The following BCL2L12 variants were observed in gnomAD, a reference collection of about 807,000 sequenced individuals.
BCL2L12 encodes the protein BCL2 like 12.
In BCL2L12, 27 loss-of-function variants were observed where a neutral mutation model predicts 25.7. The ratio of observed to expected loss-of-function variants is 1.05; its 90% CI spans 0.78 to 1.45. The LOEUF (loss-of-function observed/expected upper bound fraction) is 1.45. Among genes scored for constraint, BCL2L12 ranks in the 40% most tolerant of loss-of-function variants. BCL2L12 has a pLI of 0.00. For synonymous variants in BCL2L12, 132 were observed against 145.6 expected (o/e 0.91, Z 0.67); for missense variants, 302 against 329.8 (o/e 0.92, Z 0.65).
intron 1 of BCL2L12, 102 bp downstream of exon 1, chr19:49,666,169 C>CCGCTTCTCTGAT: frequency 7.1e-7 from 1 of 1,404,072 alleles, no homozygotes; most frequent in Admixed American, 2.6e-5. Flanking sequence ...TCCAAGGGTC[C>CCGCTTCTCTGAT]AGGGTCCTCT....
chr19:49,670,415 G>A lies in BCL2L12; in HGVS notation c.629G>A (p.Gly210Glu). The A allele has an allele frequency of 1.9e-6, 3 of 1,543,276 alleles. No individual in the cohort carries two copies. The highest frequency in any genetic ancestry group is 2.4e-5 in the East Asian group (1 of 41,052). Reference sequence around the variant, plus strand: ...CTGAGCCGGCGCGTGGCCGGGCTGGGGGGCACCCTGGCCGGACTCAGCGTG... The same window carrying A: ...CTGAGCCGGCGCGTGGCCGGGCTGGAGGGCACCCTGGCCGGACTCAGCGTG... ...MELSRRVAGL[G>E]GTLAGLSVEH... The change falls in exon 6 of 7, where the codon GGG becomes GAG. Residue 210 changes from glycine (G) to glutamate (E), a missense_variant. Transcript: ENST00000246784.
chr19:49,665,639 G>A (rs571354251), upstream of BCL2L12: 446 of 717,592 alleles, frequency 6.2e-4, 9 homozygotes, highest in South Asian at 8.4e-3. Context: ...ACCTACGATG[G>A]AAGGTCGGGG....
chr19:49,667,266 G>T, intron 3 of BCL2L12, 105 bp downstream of exon 3: 1 of 1,492,414 alleles, frequency 6.7e-7, no homozygotes, highest in Non-Finnish European at 9.1e-7. Flanking sequence ...TCTAGCACCA[G>T]CCTTCAGGAC....
rs763439854 is a variant in BCL2L12 at position 49,673,712 on chromosome 19, T to A, written c.717T>A (p.Ala239=). The stretch of plus-strand genomic sequence containing the variant: ...TTCCCTTCCAGGAGGGCATCCTGGC[T>A]GTTTCACCCGTGGACTTGAACTTGC... The part of the protein sequence containing the change: ...QAHGGWEGIL[A]VSPVDLNLPL... Residue 239 remains alanine (A), a synonymous_variant, in exon 7 of 7, where the codon GCT becomes GCA. Transcript: ENST00000246784. 1 of 1,614,138 alleles carries A rather than the reference T, an allele frequency of 6.2e-7. No individual in the cohort carries two copies. The highest frequency in any genetic ancestry group is 8.5e-7 in the Non-Finnish European group (1 of 1,179,988).
At chr19:49,666,825 A>G (rs1365175840) in intron 2 of BCL2L12, 26 bp downstream of exon 2, 2 of 1,546,274 alleles carry the variant, frequency 1.3e-6, no homozygotes. Context: ...CTTCTCCCCC[A>G]GGGGCCAGCA....
Position 49,672,596 on chromosome 19 carries a change from G to A in BCL2L12, c.703-1102G>A, listed in dbSNP as rs138104316. Among the ~76,000 whole-genome samples the A allele has an allele frequency of 1.7e-3, 266 of 152,306 alleles. No homozygotes were observed. The highest frequency in any genetic ancestry group is 5.5e-3 in the African/African-American group (229 of 41,546). On this transcript the variant is annotated intron_variant, in intron 6 of 6. Transcript: ENST00000246784. The surrounding 1 kb of genome is among the most constrained non-coding windows in gnomAD (Gnocchi z 4.1). ...GAGGTGAGTGGATCTCACCCAAGTC[G>A]GGGGCGGTGGAGAATGCTGGATTTA...
intron 3 of BCL2L12, 106 bp downstream of exon 3, chr19:49,667,267 C>A (rs2081825280): frequency 6.7e-7 from 1 of 1,481,818 alleles, no homozygotes; most frequent in Non-Finnish European, 9.2e-7. Flanking sequence ...CTAGCACCAG[C>A]CTTCAGGACA....
Position 49,668,845 on chromosome 19 carries a change from CCCCAGG to C in BCL2L12, c.251_256del (p.Gly84_Pro85del). ...GGAAACCTGTCATTAACTCTTTTCA[CCCCAGG>C]CCCAGCTACTCCAGACTTCTATGCT... On this transcript the variant is annotated splice_acceptor_variant and splice_polypyrimidine_tract_variant and coding_sequence_variant and intron_variant, in exon 4 of 7. Coordinates refer to ENST00000246784, the MANE Select transcript of BCL2L12 (RefSeq NM_138639.2). LOFTEE classifies it high-confidence loss of function. 20 of 1,611,650 alleles carry C rather than the reference CCCCAGG, an allele frequency of 1.2e-5. No individual in the cohort carries two copies. Among genetic ancestry groups the C allele is most frequent in the Non-Finnish European group, 1.6e-5 (19 of 1,179,414 alleles).
At chr19:49,668,617 C>T (rs2081879451) in intron 3 of BCL2L12, among the ~76,000 whole-genome samples, 1 of 151,956 alleles carries the variant, frequency 6.6e-6, no homozygotes, top group African/African-American at 2.4e-5. Flanking sequence ...CGGTGAAACC[C>T]CATTTCTACT....
chr19:49,665,639 GA>G, upstream of BCL2L12: 1 of 717,600 alleles, frequency 1.4e-6, no homozygotes, highest in South Asian at 2.0e-5. Flanking sequence ...ACCTACGATG[GA>G]AGGTCGGGGC....
intron 3 of BCL2L12, 46 bp downstream of exon 3, chr19:49,667,207 T>G (rs1338260799): frequency 6.3e-7 from 1 of 1,598,772 alleles, no homozygotes; most frequent in South Asian, 1.1e-5. Flanking sequence ...GAACACGGGA[T>G]AAGGTGCTAG....
upstream of BCL2L12, chr19:49,665,753 GCTTT>G: frequency 6.5e-7 from 1 of 1,531,406 alleles, no homozygotes; most frequent in Non-Finnish European, 8.8e-7. Context: ...GAGCGCTGGG[GCTTT>G]CTTTTTGATC....
chr19:49,670,000 C>G (rs1485584042), intron 5 of BCL2L12, among the ~76,000 whole-genome samples: 1 of 152,146 alleles, frequency 6.6e-6, no homozygotes, highest in Non-Finnish European at 1.5e-5. Context: ...GAGGCAAGGG[C>G]CTGGCATGGC....
Sources: gnomAD v4.1 joint callset for allele counts (sites outside exome capture counted in the v4.1 genomes callset) on GRCh38, gnomAD v4.1.1 for gene constraint, Gnocchi (gnomAD v3.1) non-coding constraint, MANE v1.5 for transcripts, NCBI Gene and HGNC (gene_info 2026-07-23, HGNC 2026-07-21) for gene names.